ANXA8: variants seen among roughly 807,000 people sequenced by gnomAD.
The protein encoded by ANXA8 is VAC-beta.
Under a neutral mutation model 26.8 loss-of-function variants are expected in ANXA8, and 9 were observed. The ratio of observed to expected loss-of-function variants is 0.34; its 90% CI spans 0.20 to 0.59. The LOEUF (loss-of-function observed/expected upper bound fraction) is 0.59. ANXA8 is among the 20% of genes least tolerant of loss of function. The pLI is 0.84. For missense variants in ANXA8, 83 were observed against 238.5 expected, an observed-to-expected ratio of 0.35 and a Z score of 4.29; for synonymous variants, 39 against 94.8, an observed-to-expected ratio of 0.41 and a Z score of 3.42.
chr10:47,980,402 G>A, the ANXA8 span, among the ~76,000 whole-genome samples: 2 of 150,762 alleles, frequency 1.3e-5, no homozygotes, highest in Non-Finnish European at 3.0e-5. Context: ...CAAGCAGAAA[G>A]AAGAAAATAA....
At chr10:47,556,927 A>C in the ANXA8 span, among the ~76,000 whole-genome samples, 3 of 149,344 alleles carry the variant, frequency 2.0e-5, no homozygotes, top group Non-Finnish European at 3.0e-5. Context: ...AAAATCTAAG[A>C]TGGTATTTGC....
chr10:47,560,781 T>C, the ANXA8 span, among the ~76,000 whole-genome samples: 2 of 152,054 alleles, frequency 1.3e-5, no homozygotes, highest in Non-Finnish European at 2.9e-5. Flanking sequence ...TAGAAGCATT[T>C]TGAATAATTT....
At chr10:47,694,958 G>A in the ANXA8 span, among the ~76,000 whole-genome samples, 4 of 151,740 alleles carry the variant, frequency 2.6e-5, no homozygotes, top group African/African-American at 7.3e-5. Flanking sequence ...TGAGAGGGTA[G>A]GAAGGAGCCA....
chr10:47,951,409 G>A, the ANXA8 span, among the ~76,000 whole-genome samples: 1 of 150,254 alleles, frequency 6.7e-6, no homozygotes, highest in African/African-American at 2.5e-5. Flanking sequence ...GAAAGTAAAG[G>A]AGGAGGAAAG....
At chr10:47,953,108 G>T in the ANXA8 span, among the ~76,000 whole-genome samples, 139 of 150,390 alleles carry the variant, frequency 9.2e-4, no homozygotes, top group Admixed American at 1.7e-3. Context: ...TTGATAAATG[G>T]GCCTTATTGA....
chr10:47,656,199 C>G, the ANXA8 span, among the ~76,000 whole-genome samples: 1 of 151,622 alleles, frequency 6.6e-6, no homozygotes, highest in South Asian at 2.1e-4. Context: ...GAGTTTGAAA[C>G]CAGCCTGGGC....
At chr10:47,536,494 T>C in the ANXA8 span, among the ~76,000 whole-genome samples, 1 of 112,002 alleles carries the variant, frequency 8.9e-6, no homozygotes, top group East Asian at 4.0e-4. Context: ...TGTAATAAAT[T>C]TGTTTTATGC....
the ANXA8 span, among the ~76,000 whole-genome samples, chr10:47,695,996 A>G: frequency 2.0e-5 from 3 of 151,830 alleles, no homozygotes; most frequent in African/African-American, 7.3e-5. Context: ...TATTTATAGT[A>G]GAAGGGACCA....
the ANXA8 span, among the ~76,000 whole-genome samples, chr10:47,501,580 G>A: frequency 1.4e-5 from 2 of 138,858 alleles, 1 homozygote. Flanking sequence ...GTGGTGGCAG[G>A]CACCTGTAGT....
At chr10:47,563,920 T>C in the ANXA8 span, among the ~76,000 whole-genome samples, 1 of 151,384 alleles carries the variant, frequency 6.6e-6, no homozygotes, top group East Asian at 1.9e-4. Flanking sequence ...GATCTTTGTT[T>C]TCAATTCCTC....
chr10:47,700,748 A>G, the ANXA8 span, among the ~76,000 whole-genome samples: 1 of 151,292 alleles, frequency 6.6e-6, no homozygotes, highest in Admixed American at 6.6e-5. Flanking sequence ...AACATACAAC[A>G]AAAGGCTAAT....
At chr10:47,960,284 T>C in the ANXA8 span, among the ~76,000 whole-genome samples, 1 of 146,874 alleles carries the variant, frequency 6.8e-6, no homozygotes, top group Non-Finnish European at 1.5e-5. Flanking sequence ...AAAATAGGAA[T>C]CTGCACCTTG....
chr10:47,663,489 G>T, the ANXA8 span, among the ~76,000 whole-genome samples: 10 of 135,400 alleles, frequency 7.4e-5, 1 homozygote, highest in African/African-American at 2.9e-4. Context: ...GGGCTCAATT[G>T]ATCCTCCTGC....
At chr10:47,755,358 C>A in the ANXA8 span, among the ~76,000 whole-genome samples, 1 of 152,122 alleles carries the variant, frequency 6.6e-6, no homozygotes, top group Non-Finnish European at 1.5e-5. Context: ...CAGGCTCATG[C>A]CATTCTCCTG....
In ANXA8 at chr10:47,482,077, G is replaced by A. The variant is rs1433861293; in HGVS notation, c.21+1836C>T. 9.2e-3 allele frequency among the ~76,000 whole-genome samples: 1,075 copies of A among 117,122 alleles called. 12 individuals carry two copies. The highest frequency in any genetic ancestry group is 0.036 in the Middle Eastern group (8 of 220). 76.8% of individuals were successfully genotyped at this position (117,122 alleles called of 152,430 possible). ...AAAAAGAGAGGTGCAGATGGACCCT[G>A]CCTGCAGACAGATCTCTCTCCAGTG... On this transcript the variant is annotated intron_variant, in intron 1 of 11. Coordinates refer to ENST00000585281, the MANE Select transcript of ANXA8 (RefSeq NM_001040084.3).
the ANXA8 span, among the ~76,000 whole-genome samples, chr10:47,748,432 C>T: frequency 1.3e-5 from 2 of 151,852 alleles, no homozygotes; most frequent in Admixed American, 6.6e-5. Context: ...AGGTTGGTCT[C>T]AAACTTCTGA....
At chr10:47,676,014 G>A in the ANXA8 span, among the ~76,000 whole-genome samples, 2 of 151,410 alleles carry the variant, frequency 1.3e-5, no homozygotes, top group African/African-American at 4.9e-5. Context: ...GGAAAGGGAA[G>A]GGAGGGGAGG....
At chr10:47,724,567 C>T in the ANXA8 span, among the ~76,000 whole-genome samples, 3 of 141,936 alleles carry the variant, frequency 2.1e-5, no homozygotes, top group African/African-American at 7.6e-5. Context: ...AAATGCTGCT[C>T]TATCAGAGAG....
the ANXA8 span, among the ~76,000 whole-genome samples, chr10:47,501,573 G>A: frequency 7.2e-6 from 1 of 138,758 alleles, no homozygotes. Context: ...GCCAGGTGTG[G>A]TGGCAGGCAC....
Sources: gnomAD v4.1 joint callset for allele counts (sites outside exome capture counted in the v4.1 genomes callset) on GRCh38, gnomAD v4.1.1 for gene constraint, MANE v1.5 for transcripts, NCBI Gene and HGNC (gene_info 2026-07-23, HGNC 2026-07-21) for gene names.